TENM2: variants seen among roughly 807,000 people sequenced by gnomAD.
The protein encoded by TENM2 is teneurin-2.
Under a neutral mutation model 245.2 loss-of-function variants are expected in TENM2, and 52 were observed. The observed-to-expected ratio is 0.21, with a 90% CI of 0.17 to 0.27. The LOEUF (loss-of-function observed/expected upper bound fraction) is 0.27. Among genes scored for constraint, TENM2 ranks in the 10% least tolerant of loss-of-function variants. The probability of loss-of-function intolerance (pLI) is 1.00; values close to 1 mark genes in which losing one functional copy is unlikely to be tolerated. For missense variants in TENM2, 3,046 were observed against 3,666.8 expected, an observed-to-expected ratio of 0.83 and a Z score of 4.37; for synonymous variants, 1,363 against 1,438.9, an observed-to-expected ratio of 0.95 and a Z score of 1.19.
the TENM2 span, among the ~76,000 whole-genome samples, chr5:167,110,905 A>G: frequency 6.6e-6 from 1 of 152,220 alleles, no homozygotes; most frequent in Non-Finnish European, 1.5e-5. Flanking sequence ...CATTGTTAGA[A>G]AAAGACAGAA....
At chr5:167,127,821 G>A in the TENM2 span, among the ~76,000 whole-genome samples, 1 of 152,016 alleles carries the variant, frequency 6.6e-6, no homozygotes, top group Non-Finnish European at 1.5e-5. Flanking sequence ...TCCTCCATGA[G>A]GTGCCTCTTT....
intron 2 of TENM2, among the ~76,000 whole-genome samples, chr5:167,770,887 A>C (rs528077972): frequency 6.6e-6 from 1 of 152,238 alleles, no homozygotes; most frequent in African/African-American, 2.4e-5. Flanking sequence ...CCCACTGGGG[A>C]GGACCATGGC....
At chr5:168,138,385 C>T (rs1053550089) in intron 12 of TENM2, among the ~76,000 whole-genome samples, 3 of 152,220 alleles carry the variant, frequency 2.0e-5, no homozygotes, top group African/African-American at 7.2e-5. Flanking sequence ...ATTATTAACA[C>T]CACACTTTCA....
chr5:167,685,922 G>A (rs1757045149), intron 2 of TENM2, among the ~76,000 whole-genome samples: 1 of 152,140 alleles, frequency 6.6e-6, no homozygotes, highest in South Asian at 2.1e-4. Flanking sequence ...ATCAGCATGT[G>A]GAGCAAAATA....
chr5:167,799,502 A>G (rs1765553281), intron 2 of TENM2, among the ~76,000 whole-genome samples: 1 of 152,228 alleles, frequency 6.6e-6, no homozygotes, highest in Non-Finnish European at 1.5e-5. Context: ...GGGAAAATCA[A>G]ATTTGCTTAA....
intron 2 of TENM2, among the ~76,000 whole-genome samples, chr5:167,806,008 A>G (rs1200748153): frequency 2.6e-5 from 4 of 152,172 alleles, no homozygotes; most frequent in Non-Finnish European, 2.9e-5. Flanking sequence ...TTTATCACAG[A>G]CAGTCCAAAG....
chr5:167,981,979 CAAA>C (rs58295569), intron 4 of TENM2, among the ~76,000 whole-genome samples: 153 of 100,722 alleles, frequency 1.5e-3, no homozygotes, highest in African/African-American at 4.5e-3. Context: ...TGTTTCAGAC[CAAA>C]AAAAAAAAAA....
intron 12 of TENM2, among the ~76,000 whole-genome samples, chr5:168,148,969 T>C (rs1299390428): frequency 6.6e-6 from 1 of 151,954 alleles, no homozygotes; most frequent in Non-Finnish European, 1.5e-5. Flanking sequence ...CCCATTCGGG[T>C]GGGTCAAGCT....
chr5:168,019,914 C>A (rs1192169036), intron 5 of TENM2, among the ~76,000 whole-genome samples: 1 of 152,214 alleles, frequency 6.6e-6, no homozygotes, highest in Non-Finnish European at 1.5e-5. Flanking sequence ...TGACATGTTT[C>A]ACCTATGTGA....
chr5:167,545,972 CAT>C (rs1772538125), intron 2 of TENM2, among the ~76,000 whole-genome samples: 1 of 152,148 alleles, frequency 6.6e-6, no homozygotes, highest in Middle Eastern at 3.2e-3. Flanking sequence ...CAAATAATAA[CAT>C]AGTTCTTTAG....
intron 6 of TENM2, 122 bp downstream of exon 8, chr5:168,047,671 GA>G (rs1175691792): frequency 7.3e-6 from 9 of 1,228,260 alleles, no homozygotes; most frequent in East Asian, 2.5e-5. Context: ...GAAACGGGGG[GA>G]AAAATCATTG....
chr5:167,850,530 C>T (rs927448014), intron 2 of TENM2, among the ~76,000 whole-genome samples: 9 of 152,064 alleles, frequency 5.9e-5, no homozygotes, highest in African/African-American at 1.2e-4. Flanking sequence ...TAAATCCTCC[C>T]GAGTTCAAAA....
intron 2 of TENM2, among the ~76,000 whole-genome samples, chr5:167,808,352 T>C (rs1181440552): frequency 6.6e-6 from 1 of 152,170 alleles, no homozygotes; most frequent in African/African-American, 2.4e-5. Context: ...CTCTGCCTCC[T>C]GGATTCAAGC....
At chr5:167,579,514 C>G (rs1384314250) in intron 2 of TENM2, among the ~76,000 whole-genome samples, 1 of 152,198 alleles carries the variant, frequency 6.6e-6, no homozygotes, top group Non-Finnish European at 1.5e-5. Context: ...GAGCTACCTT[C>G]TCATCATTGA....
chr5:167,135,802 A>C, the TENM2 span, among the ~76,000 whole-genome samples: 1 of 152,194 alleles, frequency 6.6e-6, no homozygotes, highest in African/African-American at 2.4e-5. Context: ...TCTCAAAAAA[A>C]AAATAGTGGC....
intron 2 of TENM2, among the ~76,000 whole-genome samples, chr5:167,510,958 A>G (rs1308885372): frequency 6.6e-6 from 1 of 151,820 alleles, no homozygotes; most frequent in Non-Finnish European, 1.5e-5. Flanking sequence ...AATAAAAGAA[A>G]GAGAGAGAAA....
intron 13 of TENM2, among the ~76,000 whole-genome samples, chr5:168,189,009 C>G (rs563190322): frequency 2.6e-5 from 4 of 152,150 alleles, no homozygotes; most frequent in Non-Finnish European, 5.9e-5. Context: ...ATCAAGGCAC[C>G]AGCAGATTCA....
chr5:167,360,114 C>T (rs1023303758), intron 1 of TENM2, among the ~76,000 whole-genome samples: 7 of 152,046 alleles, frequency 4.6e-5, no homozygotes, highest in South Asian at 2.1e-4. Flanking sequence ...CAACAAACCC[C>T]GGTGATACAA....
At chr5:167,940,186 T>C (rs1394065329) in intron 3 of TENM2, among the ~76,000 whole-genome samples, 3 of 152,348 alleles carry the variant, frequency 2.0e-5, no homozygotes, top group Middle Eastern at 3.4e-3. Flanking sequence ...TACCGCAGTA[T>C]ACTTCAACAT....
Sources: allele counts gnomAD v4.1 joint callset (sites outside exome capture counted in the v4.1 genomes callset), GRCh38; gene constraint gnomAD v4.1.1; transcripts MANE v1.5; gene names NCBI Gene and HGNC (gene_info 2026-07-23, HGNC 2026-07-21).